ITGA4: variants seen among roughly 807,000 people sequenced by gnomAD.
ITGA4 encodes integrin subunit alpha 4.
Under a neutral mutation model 133.6 loss-of-function variants are expected in ITGA4, and 63 were observed. That is an observed-to-expected ratio of 0.47 (90% CI 0.38 to 0.58). ITGA4 has a LOEUF of 0.58. Among genes scored for constraint, ITGA4 ranks in the 20% least tolerant of loss-of-function variants. ITGA4 has a pLI of 0.00. For synonymous variants in ITGA4, 483 were observed against 438.0 expected (o/e 1.10, Z -1.28); for missense variants, 1,076 against 1,252.7 (o/e 0.86, Z 2.13).
rs199782465 is a variant in ITGA4, at chr2:181,485,967, C to A, written c.1128C>A (p.Gly376=). Residue 376 remains glycine, a synonymous_variant, in exon 10 of 28, where the codon GGC becomes GGA. Transcript: ENST00000397033. ...ARFGESIVNL[G]DIDNDGFEDV... Reference sequence around the variant, plus strand: ...TTGGGGAATCTATAGTTAATCTTGGCGACATTGACAATGATGGCTTTGAAG... The same window carrying A: ...TTGGGGAATCTATAGTTAATCTTGGAGACATTGACAATGATGGCTTTGAAG... 1 of 1,594,866 alleles carries A rather than the reference C, an allele frequency of 6.3e-7. No individual in the cohort carries two copies. Among genetic ancestry groups the A allele is most frequent in the Admixed American group, 1.8e-5 (1 of 54,434 alleles).
At chr2:181,497,551 T>G (rs934021325) in intron 14 of ITGA4, among the ~76,000 whole-genome samples, 5 of 152,188 alleles carry the variant, frequency 3.3e-5, no homozygotes, top group Non-Finnish European at 7.4e-5. Context: ...GGCTTGGACT[T>G]CATTATTTTC....
Position 181,511,628 on chromosome 2 carries a change from C to T in ITGA4, c.1846-71C>T. 6 of 788,892 alleles carry T rather than the reference C, an allele frequency of 7.6e-6. No individual in the cohort carries two copies. In the South Asian group the frequency reaches 9.9e-5, roughly 13 times the overall value. 48.9% of individuals were successfully genotyped at this position (788,892 alleles called of 1,614,324 possible). ...TTTTCTCATGCATCACAGGTGTCGT[C>T]ATCTTTAAAATATATATAAATATAC... On this transcript the variant is annotated intron_variant, in intron 16 of 27. Coordinates refer to ENST00000397033, the MANE Select transcript of ITGA4 (RefSeq NM_000885.6).
At chr2:181,494,846 G>T in intron 12 of ITGA4, 34 bp downstream of exon 12, 2 of 1,102,146 alleles carry the variant, frequency 1.8e-6, no homozygotes, top group South Asian at 1.2e-5. Context: ...TTATAAATTG[G>T]AATAAGCTCT....
chr2:181,538,181 A>G lies in ITGA4; in HGVS notation c.*2654A>G. ...GTACATTTCTTTTAGAAACAATTAC[A>G]TGTTACTTTGGAATCATTTCTTCCA... On this transcript the variant is annotated 3_prime_UTR_variant, in exon 28 of 28. Coordinates refer to ENST00000397033, the MANE Select transcript of ITGA4 (RefSeq NM_000885.6). 6.5e-7 allele frequency: 1 copy of G among 1,549,734 alleles called. No individual in the cohort carries two copies. Among genetic ancestry groups the G allele is most frequent in the Non-Finnish European group, 8.9e-7 (1 of 1,123,024 alleles).
chr2:181,494,182 G>C lies in ITGA4; in HGVS notation c.1249-540G>C, dbSNP rs958393517. 2.0e-5 allele frequency among the ~76,000 whole-genome samples: 3 copies of C among 152,216 alleles called. No individual in the cohort carries two copies. In the South Asian group the frequency reaches 6.2e-4, roughly 31 times the overall value. On this transcript the variant is annotated intron_variant, in intron 11 of 27. Coordinates refer to ENST00000397033, the MANE Select transcript of ITGA4 (RefSeq NM_000885.6). Reference sequence around the variant, plus strand: ...AGAAAGTACATATCTGGCTAGGGTTGTTCTTGTTAAAAAGTCAGCTTTTAT... The same window carrying C: ...AGAAAGTACATATCTGGCTAGGGTTCTTCTTGTTAAAAAGTCAGCTTTTAT...
At chr2:181,492,214 A>G (rs1361192618) in intron 10 of ITGA4, among the ~76,000 whole-genome samples, 2 of 152,216 alleles carry the variant, frequency 1.3e-5, no homozygotes, top group Non-Finnish European at 2.9e-5. Context: ...AGTTTGAAAA[A>G]CTTTGTACAA....
chr2:181,494,647 A>G, intron 11 of ITGA4, 75 bp from the exon 12 acceptor site: 1 of 808,946 alleles, frequency 1.2e-6, no homozygotes, highest in East Asian at 2.4e-5. Context: ...AAAGCTCATT[A>G]TTTAGCTAAA....
Position 181,511,715 on chromosome 2 carries a change from T to C in ITGA4, c.1862T>C (p.Phe621Ser). The C allele has an allele frequency of 2.5e-6, 4 of 1,595,376 alleles. No homozygotes were observed. The highest frequency in any genetic ancestry group is 1.7e-5 in the Admixed American group (1 of 59,834). ...IMKKTINFARFCAHENCSADL... is the reference protein window; with the variant it reads ...IMKKTINFARSCAHENCSADL... ...TATTTCCAGATAAACTTTGCAAGGT[T>C]TTGTGCCCATGAAAATTGTTCTGCT... Residue 621 changes from phenylalanine to serine, a missense_variant, in exon 17 of 28, where the codon TTT becomes TCT. By Grantham distance (155) the Phe-to-Ser change is radical. This residue lies in a region of ITGA4 where 365 missense variants were observed against 421.4 expected (regional missense o/e 0.87). Transcript: ENST00000397033.
rs771648829 is a variant in ITGA4, at chr2:181,536,909, G to C, written c.*1382G>C. 1 of 453,396 alleles carries C rather than the reference G, an allele frequency of 2.2e-6. No individual in the cohort carries two copies. The highest frequency in any genetic ancestry group is 4.4e-6 in the Non-Finnish European group (1 of 226,522). 28.1% of individuals were successfully genotyped at this position (453,396 alleles called of 1,614,324 possible). On this transcript the variant is annotated 3_prime_UTR_variant, in exon 28 of 28. Transcript: ENST00000397033. ...GAGTGATCAAATTAGAAGGCAATGT[G>C]GAAAAACAATTCTGGGAAAGATTTC...
At position 181,538,869 on chromosome 2, in the gene ITGA4, C is replaced by T. The variant is rs1332742044; in HGVS notation, c.*3342C>T. Among the ~76,000 whole-genome samples, 3 of 152,118 alleles carry T rather than the reference C, an allele frequency of 2.0e-5. No individual in the cohort carries two copies. The East Asian group carries it at 5.8e-4, about 29-fold the overall frequency. Reference sequence around the variant, plus strand: ...AAATTAGAAAGCCAATGTAGACACGCATAACCAAAGAAAATGCCTTGGGTC... The same window carrying T: ...AAATTAGAAAGCCAATGTAGACACGTATAACCAAAGAAAATGCCTTGGGTC... On this transcript the variant is annotated 3_prime_UTR_variant, in exon 28 of 28. Transcript: ENST00000397033.
chr2:181,535,337 A>G, intron 27 of ITGA4, 95 bp from the exon 28 acceptor site: 1 of 942,264 alleles, frequency 1.1e-6, no homozygotes, highest in East Asian at 2.6e-5. Flanking sequence ...AGTTTAAGAA[A>G]TATTGGTGTT....
chr2:181,513,656 A>C (rs147033737), intron 17 of ITGA4, among the ~76,000 whole-genome samples: 119 of 152,182 alleles, frequency 7.8e-4, no homozygotes, highest in African/African-American at 2.5e-3. Flanking sequence ...CTTAAAATCT[A>C]AACTCCTGGG....
intron 10 of ITGA4, among the ~76,000 whole-genome samples, chr2:181,489,635 C>T (rs1261458459): frequency 6.6e-6 from 1 of 152,064 alleles, no homozygotes; most frequent in African/African-American, 2.4e-5. Context: ...ATTAATATAT[C>T]GTCAAATCAT....
intron 24 of ITGA4, among the ~76,000 whole-genome samples, 200 bp from the exon 25 acceptor site, chr2:181,531,452 TTATTA>T (rs1373810129): frequency 6.6e-6 from 1 of 152,316 alleles, no homozygotes; most frequent in East Asian, 1.9e-4. Context: ...TTTAAATACT[TTATTA>T]TAATTTAGAA....
chr2:181,532,203 C>G (rs751542964), intron 25 of ITGA4, among the ~76,000 whole-genome samples: 2 of 152,160 alleles, frequency 1.3e-5, no homozygotes, highest in Non-Finnish European at 2.9e-5. Context: ...ATGCCTCCAG[C>G]TTTCTTTTTG....
rs191458453 is a variant in ITGA4 at position 181,492,590 on chromosome 2, G to A, written c.1154-735G>A. Among the ~76,000 whole-genome samples the A allele has an allele frequency of 1.9e-3, 288 of 152,182 alleles. 2 individuals are homozygous for A. The highest frequency in any genetic ancestry group is 6.5e-3 in the African/African-American group (269 of 41,542). ...TTCTCCTTTGTGCTATATATTTATAGCATTTAAGCAACCATGTCATTTACT... is the reference window on the plus strand; with the variant it reads ...TTCTCCTTTGTGCTATATATTTATAACATTTAAGCAACCATGTCATTTACT... On this transcript the variant is annotated intron_variant, in intron 10 of 27. Transcript: ENST00000397033.
intron 15 of ITGA4, among the ~76,000 whole-genome samples, chr2:181,501,901 A>G (rs1686280699): frequency 1.3e-5 from 2 of 152,126 alleles, no homozygotes; most frequent in South Asian, 4.1e-4. Flanking sequence ...CAGGAAAGGT[A>G]ACTTAATATA....
At chr2:181,535,063 C>T in intron 27 of ITGA4, 128 bp downstream of exon 27, 1 of 1,004,004 alleles carries the variant, frequency 1.0e-6, no homozygotes, top group Non-Finnish European at 1.4e-6. Context: ...TTGCTCAGTA[C>T]TGATCTCACA....
At chr2:181,466,686 A>C (rs991238494) in intron 2 of ITGA4, among the ~76,000 whole-genome samples, 11 of 152,320 alleles carry the variant, frequency 7.2e-5, no homozygotes, top group Non-Finnish European at 1.5e-4. Flanking sequence ...AAGAGTACAT[A>C]GTTTAATATA....
Sources: allele counts gnomAD v4.1 joint callset (sites outside exome capture counted in the v4.1 genomes callset), GRCh38; gene constraint gnomAD v4.1.1; regional missense constraint gnomAD v4.1.1; transcripts MANE v1.5; gene names NCBI Gene and HGNC (gene_info 2026-07-23, HGNC 2026-07-21).